Variants in UBAC2 observed in about 807,000 individuals in gnomAD.
UBAC2 encodes the protein UBA domain containing 2, also known as ubiquitin-associated domain-containing protein 2.
In UBAC2, 26 loss-of-function variants were observed where a neutral mutation model predicts 44.0. The observed-to-expected ratio is 0.59, with a 90% CI of 0.43 to 0.82. The LOEUF (loss-of-function observed/expected upper bound fraction) is 0.82, where lower values mean the gene tolerates loss of function less well. Ranked by LOEUF, UBAC2 falls within the 40% of genes least tolerant of loss-of-function variation. The pLI is 0.00. For synonymous variants in UBAC2, 155 were observed against 154.3 expected, an observed-to-expected ratio of 1.00 and a Z score of -0.04; for missense variants, 329 against 419.4, an observed-to-expected ratio of 0.78 and a Z score of 1.88.
At chr13:99,302,832 C>A (rs2044276546) in intron 4 of UBAC2, among the ~76,000 whole-genome samples, 2 of 152,192 alleles carry the variant, frequency 1.3e-5, no homozygotes, top group African/African-American at 4.8e-5. Context: ...GTAGTCAGTA[C>A]ATGCCTCTGT....
At chr13:99,359,906 G>A (rs561719380) in intron 7 of UBAC2, among the ~76,000 whole-genome samples, 200 of 152,304 alleles carry the variant, frequency 1.3e-3, no homozygotes, top group Non-Finnish European at 2.4e-3. Flanking sequence ...GACTGGAGGT[G>A]CCCCTGCTGT....
At chr13:99,242,380 C>T (rs2043315784) in intron 2 of UBAC2, among the ~76,000 whole-genome samples, 1 of 145,960 alleles carries the variant, frequency 6.9e-6, no homozygotes, top group Non-Finnish European at 1.5e-5. Context: ...GGCAGAGGGG[C>T]TCCTCACTTC....
At chr13:99,332,682 G>A (rs893950647) in intron 6 of UBAC2, among the ~76,000 whole-genome samples, 17 of 152,100 alleles carry the variant, frequency 1.1e-4, no homozygotes, top group South Asian at 4.1e-4. Context: ...TTGTCTTCCC[G>A]GGCATATGCT....
chr13:99,379,614 G>C (rs910686225), intron 8 of UBAC2, among the ~76,000 whole-genome samples: 2 of 152,116 alleles, frequency 1.3e-5, no homozygotes, highest in African/African-American at 4.8e-5. Context: ...ACATGATCAG[G>C]ATCTTCATTT....
intron 4 of UBAC2, among the ~76,000 whole-genome samples, chr13:99,281,583 G>C (rs1489969846): frequency 6.6e-6 from 1 of 152,128 alleles, no homozygotes; most frequent in Admixed American, 6.5e-5. Flanking sequence ...CTACTTTGAG[G>C]AAACAGGCTC....
chr13:99,385,016 G>T (rs553801968), intron 8 of UBAC2, among the ~76,000 whole-genome samples: 1 of 152,224 alleles, frequency 6.6e-6, no homozygotes, highest in African/African-American at 2.4e-5. Flanking sequence ...GGTTATGTGC[G>T]ATCATGCATA....
chr13:99,242,840 G>A (rs1463389629), intron 2 of UBAC2, among the ~76,000 whole-genome samples: 3 of 141,160 alleles, frequency 2.1e-5, no homozygotes, highest in Non-Finnish European at 3.1e-5. Flanking sequence ...CAGACGGGGC[G>A]GCCGGGCAGA....
chr13:99,264,433 C>T lies in UBAC2; in HGVS notation c.389+19809C>T, dbSNP rs73565982. Among the ~76,000 whole-genome samples the T allele has an allele frequency of 9.9e-3, 1,515 of 152,304 alleles. 29 individuals carry two copies. The highest frequency in any genetic ancestry group is 0.035 in the African/African-American group (1,467 of 41,558). ...GTTACCTTTCCTATTTAAAAACTGCCTTATAGCTTGTGTAAAGTGCATGCT... is the reference window on the plus strand; with the variant it reads ...GTTACCTTTCCTATTTAAAAACTGCTTTATAGCTTGTGTAAAGTGCATGCT... On this transcript the variant is annotated intron_variant, in intron 4 of 8. Transcript: ENST00000403766.
intron 6 of UBAC2, among the ~76,000 whole-genome samples, chr13:99,333,735 C>T (rs1322063732): frequency 3.9e-5 from 6 of 152,092 alleles, no homozygotes; most frequent in South Asian, 4.1e-4. Flanking sequence ...AAATTGAATA[C>T]ATAGTTTTGT....
chr13:99,294,603 A>G (rs536236523), intron 4 of UBAC2: 2 of 153,942 alleles, frequency 1.3e-5, no homozygotes, highest in East Asian at 3.8e-4. Context: ...CCAGAACGAA[A>G]CAAAACAAAA....
At chr13:99,262,462 G>A (rs914146616) in intron 4 of UBAC2, among the ~76,000 whole-genome samples, 5 of 152,138 alleles carry the variant, frequency 3.3e-5, no homozygotes, top group African/African-American at 1.2e-4. Context: ...CAGCACTTTG[G>A]GAGGCTGAGG....
At chr13:99,308,843 A>C (rs933608640) in intron 4 of UBAC2, 9 of 152,238 alleles carry the variant, frequency 5.9e-5, no homozygotes, top group African/African-American at 2.2e-4. Context: ...GGTAATTCCT[A>C]GTACAAAAAT....
chr13:99,286,661 C>G (rs981322999), intron 4 of UBAC2, among the ~76,000 whole-genome samples: 3 of 152,142 alleles, frequency 2.0e-5, no homozygotes, highest in African/African-American at 7.2e-5. Context: ...CCACACTCCC[C>G]CAACAAGCAG....
In UBAC2 at chr13:99,290,728, C is replaced by CAAAAAA. The variant is rs35343898; in HGVS notation, c.390-23358_390-23353dup. 6.8e-4 allele frequency among the ~76,000 whole-genome samples: 64 copies of CAAAAAA among 93,774 alleles called. No homozygotes were observed. The East Asian group carries it at 7.4e-3, about 11-fold the overall frequency. The allele number at this position is 93,774 out of a possible 152,430, so 61.5% of individuals were successfully genotyped here. A position where few individuals can be genotyped will look rare whatever the true frequency, so the allele number is the denominator to read the frequency against. On this transcript the variant is annotated intron_variant, in intron 4 of 8. Transcript: ENST00000403766. ...TGACAGCGAGACACCGTTTCACCAC[C>CAAAAAA]AAAAAAAAAAAAAAAAGAAAGAAAG... is the stretch of plus-strand genomic sequence containing the variant.
At chr13:99,269,035 G>T (rs973832408) in intron 4 of UBAC2, among the ~76,000 whole-genome samples, 5 of 152,186 alleles carry the variant, frequency 3.3e-5, no homozygotes, top group Non-Finnish European at 7.4e-5. Flanking sequence ...ACGGGATATA[G>T]CTTTGGGCTT....
rs184650610 is a variant in UBAC2 at position 99,297,777 on chromosome 13, C to T, written c.390-16320C>T. Among the ~76,000 whole-genome samples, 217 of 151,638 alleles carry T rather than the reference C, an allele frequency of 1.4e-3. 5 individuals are homozygous for T. Among genetic ancestry groups the T allele is most frequent in the Middle Eastern group, 3.4e-3 (1 of 294 alleles). On this transcript the variant is annotated intron_variant, in intron 4 of 8. Coordinates refer to ENST00000403766, the MANE Select transcript of UBAC2 (RefSeq NM_001144072.2). ...ACAAACTTAAATGGGTTGAGCTTGC[C>T]TATTACAGGACAGAGACTATCGGTT...
intron 7 of UBAC2, among the ~76,000 whole-genome samples, chr13:99,348,439 C>CG (rs904520556): frequency 4.6e-5 from 7 of 152,212 alleles, no homozygotes; most frequent in African/African-American, 1.2e-4. Flanking sequence ...GTTTCAGTCA[C>CG]GGGGGGCCTT....
intron 1 of UBAC2, among the ~76,000 whole-genome samples, chr13:99,220,482 T>C (rs572477705): frequency 1.3e-5 from 2 of 152,330 alleles, no homozygotes; most frequent in Admixed American, 6.5e-5. Context: ...TTAGTATTTA[T>C]TGCCTCAAAG....
intron 6 of UBAC2, among the ~76,000 whole-genome samples, chr13:99,329,064 C>T (rs577073891): frequency 5.3e-5 from 8 of 152,282 alleles, no homozygotes; most frequent in Non-Finnish European, 8.8e-5. Context: ...TGAAAAGACC[C>T]TTTTCTCATT....
Sources: gnomAD v4.1 joint callset for allele counts (sites outside exome capture counted in the v4.1 genomes callset) on GRCh38, gnomAD v4.1.1 for gene constraint, MANE v1.5 for transcripts, NCBI Gene and HGNC (gene_info 2026-07-23, HGNC 2026-07-21) for gene names.